The following SESN1 variants were observed in gnomAD, a reference collection of about 807,000 sequenced individuals.
SESN1 encodes the protein sestrin-1.
Under a neutral mutation model 59.3 loss-of-function variants are expected in SESN1, and 30 were observed. That is an observed-to-expected ratio of 0.51 (90% CI 0.38 to 0.69). SESN1 has a LOEUF of 0.69. SESN1 is among the 30% of genes least tolerant of loss of function. SESN1 has a pLI of 0.00. For missense variants in SESN1, 566 were observed against 673.0 expected, an observed-to-expected ratio of 0.84 and a Z score of 1.76; for synonymous variants, 197 against 219.9, an observed-to-expected ratio of 0.90 and a Z score of 0.92.
intron 1 of SESN1, among the ~76,000 whole-genome samples, chr6:109,079,266 C>A (rs1331913697): frequency 1.3e-5 from 2 of 150,974 alleles, no homozygotes; most frequent in Non-Finnish European, 2.9e-5. Context: ...CCCAATCATG[C>A]AAGATACGTT....
At chr6:109,066,883 G>A (rs1780837262) in intron 1 of SESN1, among the ~76,000 whole-genome samples, 1 of 151,962 alleles carries the variant, frequency 6.6e-6, no homozygotes, top group Admixed American at 6.5e-5. Flanking sequence ...TACAGCAAAC[G>A]TTGAAGTAAC....
intron 3 of SESN1, 97 bp downstream of exon 3, chr6:109,001,191 A>AATCT: frequency 1.0e-6 from 1 of 991,768 alleles, no homozygotes; most frequent in African/African-American, 1.6e-5. Context: ...TATATATCAT[A>AATCT]ATCTAAGTAT....
chr6:109,022,411 CTTTTTTTTTTTTT>C (rs779366759), intron 1 of SESN1, among the ~76,000 whole-genome samples: 1 of 65,870 alleles, frequency 1.5e-5, no homozygotes, highest in Non-Finnish European at 2.7e-5. Context: ...TGTTCTAAAG[CTTTTTTTTTTTTT>C]TTTTTTTTTT....
At chr6:109,013,845 T>C (rs554033818) in intron 1 of SESN1, among the ~76,000 whole-genome samples, 44 of 152,348 alleles carry the variant, frequency 2.9e-4, no homozygotes, top group African/African-American at 1.1e-3. Context: ...TACTTCTGCT[T>C]ACTAATTTTG....
chr6:109,013,901 A>G (rs879484502), intron 1 of SESN1, among the ~76,000 whole-genome samples: 2 of 152,100 alleles, frequency 1.3e-5, no homozygotes, highest in Non-Finnish European at 2.9e-5. Flanking sequence ...TTTTATCTAC[A>G]TAGCTTGTCT....
Position 108,990,715 on chromosome 6 carries a change from G to A in SESN1, c.1354C>T (p.His452Tyr). Residue 452 changes from histidine (H) to tyrosine (Y), a missense_variant, in exon 8 of 10, where the codon CAC (histidine) becomes TAC (tyrosine). By Grantham distance (83) the His-to-Tyr change is moderately conservative. Coordinates refer to ENST00000436639, the MANE Select transcript of SESN1 (RefSeq NM_014454.3). ...AGCATTGAGGTATCAACATCTTTGTGCATTGCCATTGTATTATAAGTAAGA... is the reference window on the plus strand; with the variant it reads ...AGCATTGAGGTATCAACATCTTTGTACATTGCCATTGTATTATAAGTAAGA... ...YNLTYNTMAM[H>Y]KDVDTSMLRR... The A allele has an allele frequency of 6.2e-7, 1 of 1,614,028 alleles. No homozygotes were observed. Among genetic ancestry groups the A allele is most frequent in the Non-Finnish European group, 8.5e-7 (1 of 1,179,952 alleles).
intron 1 of SESN1, among the ~76,000 whole-genome samples, chr6:109,026,991 GA>G (rs1174916752): frequency 6.6e-6 from 1 of 152,040 alleles, no homozygotes; most frequent in African/African-American, 2.4e-5. Flanking sequence ...CCAACACAGT[GA>G]AACCCTGTCT....
chr6:109,002,420 A>AT (rs1025280451), intron 1 of SESN1, 77 bp from the exon 2 acceptor site: 16 of 1,154,098 alleles, frequency 1.4e-5, no homozygotes, highest in Non-Finnish European at 2.1e-5. Flanking sequence ...TGGGAGGGAA[A>AT]AACAACCAGT....
chr6:109,078,486 C>T (rs1781066273), intron 1 of SESN1, among the ~76,000 whole-genome samples: 1 of 152,116 alleles, frequency 6.6e-6, no homozygotes, highest in Admixed American at 6.5e-5. Flanking sequence ...ATAGATAATA[C>T]ATTTATATCA....
chr6:108,994,426 C>G, intron 6 of SESN1, 36 bp downstream of exon 6: 2 of 1,532,676 alleles, frequency 1.3e-6, no homozygotes, highest in Non-Finnish European at 1.8e-6. Context: ...GTTGAGTTTG[C>G]AATAATTATA....
Position 108,990,761 on chromosome 6 carries a change from T to G in SESN1, c.1308A>C (p.Glu436Asp), listed in dbSNP as rs1196069006. The part of the protein sequence containing the change: ...LYPDVGQLID[E>D]KFHIAYNLTY... ...TAAGATTGTAAGCAATGTGAAATTT[T>G]TCATCAATCAACTGTCCCACATCTG... The change falls in exon 8 of 10, where the codon GAA becomes GAC. Residue 436 changes from glutamate (E) to aspartate (D), a missense_variant. By Grantham distance (45) the Glu-to-Asp change is conservative (BLOSUM62 2). Transcript: ENST00000436639. The G allele has an allele frequency of 8.1e-6, 13 of 1,614,140 alleles. No homozygotes were observed. The highest frequency in any genetic ancestry group is 1.1e-5 in the Non-Finnish European group (13 of 1,180,020).
At chr6:109,078,749 A>G (rs1284038731) in intron 1 of SESN1, among the ~76,000 whole-genome samples, 2 of 152,180 alleles carry the variant, frequency 1.3e-5, no homozygotes, top group Non-Finnish European at 2.9e-5. Flanking sequence ...ATAAAGAAAT[A>G]TTTTAAATGA....
At position 108,998,554 on chromosome 6, in the gene SESN1, T is replaced by C. The variant is rs767789452; in HGVS notation, c.931A>G (p.Ser311Gly). 1.2e-6 allele frequency: 2 copies of C among 1,613,970 alleles called. No homozygotes were observed. Among genetic ancestry groups the C allele is most frequent in the Non-Finnish European group, 1.7e-6 (2 of 1,179,810 alleles). The stretch of plus-strand genomic sequence containing the variant: ...GAGTTGACCGGCATCTCATCCACAC[T>C]GTGATTGCCATTTGTAATGTCACAG... ...CICDITNGNH[S>G]VDEMPVNSAE... Residue 311 changes from serine to glycine, a missense_variant, in exon 5 of 10, where the codon AGT (serine) becomes GGT (glycine). Transcript: ENST00000436639.
chr6:109,091,029 C>T (rs1054650349), intron 1 of SESN1, among the ~76,000 whole-genome samples: 2 of 152,090 alleles, frequency 1.3e-5, no homozygotes, highest in African/African-American at 4.8e-5. Context: ...TCCACCTCAG[C>T]CTTCCAAAGT....
At chr6:109,038,965 A>C (rs532405719) in intron 1 of SESN1, among the ~76,000 whole-genome samples, 170 of 150,616 alleles carry the variant, frequency 1.1e-3, no homozygotes, top group Non-Finnish European at 1.8e-3. Flanking sequence ...AGAAGGGAGA[A>C]GAAGGAAAAG....
At chr6:109,071,458 G>A (rs967372827) in intron 1 of SESN1, among the ~76,000 whole-genome samples, 4 of 151,580 alleles carry the variant, frequency 2.6e-5, no homozygotes, top group Non-Finnish European at 2.9e-5. Flanking sequence ...ATAAACTGAA[G>A]CTCAGAGATG....
chr6:109,092,454 G>A (rs1781331701), intron 1 of SESN1, among the ~76,000 whole-genome samples: 1 of 152,102 alleles, frequency 6.6e-6, no homozygotes, highest in Non-Finnish European at 1.5e-5. Context: ...CTCTTAACAC[G>A]ATTGGTTATC....
At chr6:109,005,096 A>T (rs1007112508) in intron 1 of SESN1, among the ~76,000 whole-genome samples, 11 of 152,240 alleles carry the variant, frequency 7.2e-5, no homozygotes, top group Non-Finnish European at 4.4e-5. Flanking sequence ...ATGTGCTCAC[A>T]TTTGTGAAAT....
Position 108,984,443 on chromosome 6 carries a change from G to A in SESN1, c.*3101C>T, listed in dbSNP as rs1317442194. 6.6e-6 allele frequency among the ~76,000 whole-genome samples: 1 copy of A among 152,102 alleles called. No individual in the cohort carries two copies. The highest frequency in any genetic ancestry group is 2.4e-5 in the African/African-American group (1 of 41,410). ...TAGCTGTGTCCTTTCATGGTAGAAG[G>A]GGAGCTCCCCAGACCTCTATTAAAG... is the stretch of plus-strand genomic sequence containing the variant. On this transcript the variant is annotated 3_prime_UTR_variant, in exon 10 of 10. Transcript: ENST00000436639.
Sources: gnomAD v4.1 joint callset for allele counts (sites outside exome capture counted in the v4.1 genomes callset) on GRCh38, gnomAD v4.1.1 for gene constraint, MANE v1.5 for transcripts, NCBI Gene and HGNC (gene_info 2026-07-23, HGNC 2026-07-21) for gene names.